The following MYT1L variants were observed in gnomAD, a reference collection of about 807,000 sequenced individuals.
MYT1L encodes myelin transcription factor 1-like protein.
Under a neutral mutation model 126.7 loss-of-function variants are expected in MYT1L, and 12 were observed. The ratio of observed to expected loss-of-function variants is 0.09; its 90% CI spans 0.06 to 0.15. The LOEUF (loss-of-function observed/expected upper bound fraction) is 0.15, where lower values mean the gene tolerates loss of function less well. Among genes scored for constraint, MYT1L ranks in the 10% least tolerant of loss-of-function variants. The probability of loss-of-function intolerance (pLI) is 1.00; values close to 1 mark genes in which losing one functional copy is unlikely to be tolerated. For synonymous variants in MYT1L, 541 were observed against 604.2 expected, an observed-to-expected ratio of 0.90 and a Z score of 1.53; for missense variants, 979 against 1,585.2, an observed-to-expected ratio of 0.62 and a Z score of 6.49.
In MYT1L at chr2:1,917,105, A is replaced by C. The variant is rs1573552021; in HGVS notation, c.1618+100T>G. The stretch of plus-strand genomic sequence containing the variant: ...TAGGGGCCTAGTTAAATCAGGTCGC[A>C]CCGAGCCGTACAATGGAGATGATGT... On this transcript the variant is annotated intron_variant, in intron 11 of 24. Coordinates refer to ENST00000647738, the MANE Select transcript of MYT1L (RefSeq NM_001303052.2). The surrounding 1 kb of genome is among the most constrained non-coding windows in gnomAD (Gnocchi z 5.9). The C allele has an allele frequency of 7.1e-7, 1 of 1,410,214 alleles. No homozygotes were observed. The highest frequency in any genetic ancestry group is 9.6e-7 in the Non-Finnish European group (1 of 1,044,474). The allele number at this position is 1,410,214 out of a possible 1,614,324, so 87.4% of individuals were successfully genotyped here. A position where few individuals can be genotyped will look rare whatever the true frequency, so the allele number is the denominator to read the frequency against.
chr2:1,937,129 T>C (rs2055998481), intron 9 of MYT1L, among the ~76,000 whole-genome samples: 1 of 152,186 alleles, frequency 6.6e-6, no homozygotes, highest in Non-Finnish European at 1.5e-5. Flanking sequence ...TTACTGGCCA[T>C]GGTGATCCCA....
Position 1,793,010 on chromosome 2 carries a change from T to C in MYT1L, c.3277-546A>G, listed in dbSNP as rs2032522863. 2.6e-5 allele frequency among the ~76,000 whole-genome samples: 4 copies of C among 152,062 alleles called. No homozygotes were observed. Among genetic ancestry groups the C allele is most frequent in the Admixed American group, 2.6e-4 (4 of 15,272 alleles). Reference sequence around the variant, plus strand: ...TGTTTCCCTGCGCGATCCTGTTCTCTCAGCCGGCCTGATGGGACTGCAGTG... The same window carrying C: ...TGTTTCCCTGCGCGATCCTGTTCTCCCAGCCGGCCTGATGGGACTGCAGTG... On this transcript the variant is annotated intron_variant, in intron 23 of 24. Transcript: ENST00000647738. The surrounding 1 kb of genome is among the most constrained non-coding windows in gnomAD (Gnocchi z 4.6).
chr2:2,223,401 T>C (rs1482189851), intron 2 of MYT1L, among the ~76,000 whole-genome samples: 1 of 152,226 alleles, frequency 6.6e-6, no homozygotes, highest in South Asian at 2.1e-4. Context: ...CTGAAGTGCA[T>C]TGATTTATTC....
intron 4 of MYT1L, among the ~76,000 whole-genome samples, chr2:2,024,017 T>C (rs1453660331): frequency 6.6e-6 from 1 of 152,208 alleles, no homozygotes; most frequent in Non-Finnish European, 1.5e-5. Flanking sequence ...TTGGACTCTC[T>C]TCCGAGAAGA....
At chr2:1,894,601 A>T (rs568969067) in intron 14 of MYT1L, among the ~76,000 whole-genome samples, 1 of 145,858 alleles carries the variant, frequency 6.9e-6, no homozygotes, top group South Asian at 2.1e-4. Context: ...AAAAAAAAAA[A>T]CATTGCCCAC....
intron 4 of MYT1L, among the ~76,000 whole-genome samples, chr2:2,044,432 T>C (rs1206525685): frequency 6.6e-6 from 1 of 152,202 alleles, no homozygotes; most frequent in Non-Finnish European, 1.5e-5. Flanking sequence ...CAACACTCCC[T>C]GCATCCCAGC....
Position 1,847,525 on chromosome 2 carries a change from G to A in MYT1L, c.2774+4116C>T, listed in dbSNP as rs115498288. Among the ~76,000 whole-genome samples, 354 of 152,264 alleles carry A rather than the reference G, an allele frequency of 2.3e-3. 3 individuals are homozygous for A. Among genetic ancestry groups the A allele is most frequent in the African/African-American group, 8.0e-3 (332 of 41,550 alleles). ...GCACCCCTGGGCAGGCCTGTCTGGC[G>A]GGACCTGGAGACTACAGGTGAAGGA... On this transcript the variant is annotated intron_variant, in intron 19 of 24. Transcript: ENST00000647738.
intron 4 of MYT1L, among the ~76,000 whole-genome samples, chr2:2,009,852 C>T (rs1321098992): frequency 6.7e-6 from 1 of 149,272 alleles, no homozygotes; most frequent in African/African-American, 2.5e-5. Flanking sequence ...ACATGATAGC[C>T]TTCATAATGC....
At chr2:1,883,357 CAT>C (rs1487744520) in intron 18 of MYT1L, among the ~76,000 whole-genome samples, 4 of 152,164 alleles carry the variant, frequency 2.6e-5, no homozygotes, top group Admixed American at 2.6e-4. Flanking sequence ...AGCAGAAAAA[CAT>C]AATTCCTGGC....
intron 2 of MYT1L, among the ~76,000 whole-genome samples, chr2:2,196,450 A>T (rs2092801716): frequency 6.6e-6 from 1 of 151,946 alleles, no homozygotes; most frequent in Admixed American, 6.6e-5. Context: ...TGAAATAATC[A>T]TTGACTGTAT....
intron 8 of MYT1L, among the ~76,000 whole-genome samples, chr2:1,960,855 TG>T (rs2058904868): frequency 6.6e-6 from 1 of 151,986 alleles, no homozygotes; most frequent in African/African-American, 2.4e-5. Context: ...CTCATGTCCC[TG>T]GGGCTTCTCC....
intron 22 of MYT1L, among the ~76,000 whole-genome samples, chr2:1,804,586 C>G (rs1161033772): frequency 6.6e-6 from 1 of 152,204 alleles, no homozygotes; most frequent in Non-Finnish European, 1.5e-5. Context: ...CAAACAAATC[C>G]TACTCAAATT....
intron 2 of MYT1L, among the ~76,000 whole-genome samples, chr2:2,214,783 T>C (rs1416817539): frequency 2.0e-5 from 3 of 152,162 alleles, no homozygotes. Flanking sequence ...TAACAAAGAA[T>C]ATCAGAGGTA....
chr2:1,995,551 A>C (rs1024479689), intron 5 of MYT1L, among the ~76,000 whole-genome samples: 3 of 152,218 alleles, frequency 2.0e-5, no homozygotes, highest in Non-Finnish European at 4.4e-5. Context: ...AAAAGGAAGG[A>C]ACATTATGTT....
chr2:2,309,775 C>T (rs1412366445), intron 1 of MYT1L, among the ~76,000 whole-genome samples: 1 of 151,988 alleles, frequency 6.6e-6, no homozygotes, highest in Non-Finnish European at 1.5e-5. Context: ...CTATACTCCA[C>T]CTACACTTTA....
intron 1 of MYT1L, among the ~76,000 whole-genome samples, chr2:2,308,345 C>T (rs887105365): frequency 1.3e-5 from 2 of 151,890 alleles, no homozygotes; most frequent in Non-Finnish European, 2.9e-5. Flanking sequence ...CTATACTCTA[C>T]CTATACTTCA....
chr2:2,102,250 A>T (rs2078190601), intron 3 of MYT1L, among the ~76,000 whole-genome samples: 1 of 152,210 alleles, frequency 6.6e-6, no homozygotes, highest in Non-Finnish European at 1.5e-5. Context: ...GTGCTTAATA[A>T]ATGTTTGTAT....
At chr2:2,150,189 G>C (rs2085523180) in intron 3 of MYT1L, among the ~76,000 whole-genome samples, 1 of 152,128 alleles carries the variant, frequency 6.6e-6, no homozygotes, top group African/African-American at 2.4e-5. Flanking sequence ...GGGGAAGACG[G>C]CCTTTGAAGC....
chr2:1,973,809 A>G (rs2059977217), intron 8 of MYT1L, among the ~76,000 whole-genome samples: 1 of 152,184 alleles, frequency 6.6e-6, no homozygotes, highest in Non-Finnish European at 1.5e-5. Flanking sequence ...TGCATTAGGC[A>G]ATGAGCTCAG....
Sources: allele counts gnomAD v4.1 joint callset (sites outside exome capture counted in the v4.1 genomes callset), GRCh38; gene constraint gnomAD v4.1.1; non-coding constraint Gnocchi (gnomAD v3.1); transcripts MANE v1.5; gene names NCBI Gene and HGNC (gene_info 2026-07-23, HGNC 2026-07-21).